The following ZFHX3 variants were observed in gnomAD, a reference collection of about 807,000 sequenced individuals.
ZFHX3 encodes the protein zinc finger homeobox 3.
In ZFHX3, 42 loss-of-function variants were observed where a neutral mutation model predicts 279.1. The ratio of observed to expected loss-of-function variants is 0.15; its 90% confidence interval spans 0.12 to 0.19. ZFHX3 has a LOEUF of 0.19. ZFHX3 is among the 10% of genes least tolerant of loss of function. The pLI is 1.00. For synonymous variants in ZFHX3, 2,293 were observed against 1,957.8 expected, an observed-to-expected ratio of 1.17 and a Z score of -4.52; for missense variants, 4,981 against 4,754.0, an observed-to-expected ratio of 1.05 and a Z score of -1.40.
At chr16:72,888,250 T>A (rs1186677560) in intron 4 of ZFHX3, among the ~76,000 whole-genome samples, 1 of 152,176 alleles carries the variant, frequency 6.6e-6, no homozygotes, top group Non-Finnish European at 1.5e-5. Flanking sequence ...ACTGCACACA[T>A]CCATGATGGC....
intron 7 of ZFHX3, among the ~76,000 whole-genome samples, chr16:73,120,932 G>A (rs977060041): frequency 1.3e-5 from 2 of 151,646 alleles, no homozygotes; most frequent in Non-Finnish European, 2.9e-5. Context: ...GGGATTACAG[G>A]TGTGAGCCAC....
At chr16:73,502,469 G>T (rs1172586735) in intron 2 of ZFHX3, among the ~76,000 whole-genome samples, 1 of 152,140 alleles carries the variant, frequency 6.6e-6, no homozygotes, top group Non-Finnish European at 1.5e-5. Context: ...ATAGGTACTG[G>T]GACAGTGGCC....
intron 2 of ZFHX3, among the ~76,000 whole-genome samples, chr16:73,533,612 T>C (rs1483378672): frequency 6.6e-6 from 1 of 152,120 alleles, no homozygotes; most frequent in Admixed American, 6.6e-5. Context: ...GAATATCCAA[T>C]GGGCTAATCA....
chr16:73,303,813 G>A (rs982635227), intron 4 of ZFHX3, among the ~76,000 whole-genome samples: 3 of 151,878 alleles, frequency 2.0e-5, no homozygotes, highest in African/African-American at 7.3e-5. Context: ...GCCACCAACA[G>A]GAGGCCACCG....
chr16:73,406,374 G>A (rs1198020482), intron 3 of ZFHX3, among the ~76,000 whole-genome samples: 1 of 152,226 alleles, frequency 6.6e-6, no homozygotes, highest in Non-Finnish European at 1.5e-5. Context: ...CAGAGTTACA[G>A]TCGAGGCAGG....
At chr16:73,047,352 C>G (rs1434534041) in intron 1 of ZFHX3, among the ~76,000 whole-genome samples, 1 of 152,190 alleles carries the variant, frequency 6.6e-6, no homozygotes, top group Non-Finnish European at 1.5e-5. Context: ...CCTTTAATTA[C>G]TCCACAAGCG....
intron 1 of ZFHX3, among the ~76,000 whole-genome samples, chr16:72,963,965 G>T (rs1325564787): frequency 6.6e-6 from 1 of 152,170 alleles, no homozygotes; most frequent in African/African-American, 2.4e-5. Context: ...AAAGGGGAAG[G>T]GAGGAAAAAC....
chr16:73,141,145 C>T (rs1368289298), intron 6 of ZFHX3, among the ~76,000 whole-genome samples: 2 of 152,174 alleles, frequency 1.3e-5, no homozygotes, highest in African/African-American at 4.8e-5. Context: ...TGACCTAATA[C>T]TGTAGTTTTC....
In ZFHX3 at chr16:72,958,379, G is replaced by A. The variant is rs1186526339; in HGVS notation, c.1767C>T (p.Asp589=). ...ANVAEGGRRL[D]FADESANKDN... The stretch of plus-strand genomic sequence containing the variant: ...CTTTATTGGCACTTTCGTCAGCGAA[G>A]TCCAGCCTCCTGCCGCCCTCTGCCA... Residue 589 remains aspartate, a synonymous_variant, in exon 2 of 10, where the codon GAC becomes GAT. Transcript: ENST00000268489. 6.2e-7 allele frequency: 1 copy of A among 1,614,176 alleles called. No individual in the cohort carries two copies. The highest frequency in any genetic ancestry group is 8.5e-7 in the Non-Finnish European group (1 of 1,180,030).
At chr16:73,564,575 C>G (rs1048856225) in intron 2 of ZFHX3, among the ~76,000 whole-genome samples, 2 of 152,150 alleles carry the variant, frequency 1.3e-5, no homozygotes, top group Non-Finnish European at 2.9e-5. Flanking sequence ...TTCCTGCATC[C>G]CTACCCCAGC....
upstream of ZFHX3, among the ~76,000 whole-genome samples, chr16:73,063,483 G>A (rs538771513): frequency 3.2e-4 from 49 of 152,224 alleles, 1 homozygote; most frequent in Non-Finnish European, 5.3e-4. Context: ...CTGAGCGTCC[G>A]GAATCGCTCC....
chr16:73,727,733 C>T (rs1173834458), intron 1 of ZFHX3, among the ~76,000 whole-genome samples: 1 of 152,122 alleles, frequency 6.6e-6, no homozygotes, highest in African/African-American at 2.4e-5. Context: ...CTGTCTTCTC[C>T]AGCCTTGAAT....
At chr16:73,486,974 T>C in intron 2 of ZFHX3, 1 of 393,260 alleles carries the variant, frequency 2.5e-6, no homozygotes, top group Non-Finnish European at 5.1e-6. Flanking sequence ...TAGGTATATA[T>C]GTGTTATGGC....
At chr16:73,478,458 A>C (rs1368717250) in intron 2 of ZFHX3, among the ~76,000 whole-genome samples, 2 of 152,134 alleles carry the variant, frequency 1.3e-5, no homozygotes, top group African/African-American at 4.8e-5. Context: ...ATAAAGGTAT[A>C]ATCTGTGACA....
intron 1 of ZFHX3, among the ~76,000 whole-genome samples, chr16:73,763,951 C>T (rs1261840350): frequency 6.6e-6 from 1 of 152,060 alleles, no homozygotes; most frequent in Non-Finnish European, 1.5e-5. Context: ...GGAAGTGAAT[C>T]CTTCCCTAGT....
upstream of ZFHX3, among the ~76,000 whole-genome samples, chr16:73,052,663 G>T (rs1965472297): frequency 6.6e-6 from 1 of 152,094 alleles, no homozygotes; most frequent in Non-Finnish European, 1.5e-5. Flanking sequence ...TGTTTCGTTT[G>T]TCTCTCTGCA....
chr16:73,275,207 G>A (rs1321746728), intron 4 of ZFHX3, among the ~76,000 whole-genome samples: 1 of 152,130 alleles, frequency 6.6e-6, no homozygotes, highest in Admixed American at 6.5e-5. Context: ...TGGCCCATAG[G>A]GAAATCTATG....
intron 7 of ZFHX3, among the ~76,000 whole-genome samples, chr16:73,111,655 GA>G (rs1280212509): frequency 1.5e-5 from 1 of 67,506 alleles, no homozygotes; most frequent in African/African-American, 5.8e-5. Context: ...AGAGAGGAAG[GA>G]AGGAAGGAGA....
chr16:73,881,484 C>G lies in ZFHX3; in HGVS notation c.-1608+10167G>C, dbSNP rs929701805. ...TCTCTCTCTCTCTCTCTCTCTGCCC[C>G]CCCCCCCCACTCTGCCCATGGTTAC... On this transcript the variant is annotated intron_variant, in intron 1 of 17. Coordinates refer to the ZFHX3 transcript ENST00000641206. Among the ~76,000 whole-genome samples the G allele has an allele frequency of 6.5e-5, 5 of 77,012 alleles. 1 individual carries two copies. Among genetic ancestry groups the G allele is most frequent in the South Asian group, 5.6e-4 (1 of 1,796 alleles). 50.5% of individuals were successfully genotyped at this position (77,012 alleles called of 152,430 possible).
Sources: allele counts gnomAD v4.1 joint callset (sites outside exome capture counted in the v4.1 genomes callset), GRCh38; gene constraint gnomAD v4.1.1; transcripts MANE v1.5; gene names NCBI Gene and HGNC (gene_info 2026-07-23, HGNC 2026-07-21).